The following ADAM28 variants were observed in gnomAD, a reference collection of about 807,000 sequenced individuals.
The protein encoded by ADAM28 is ADAM metallopeptidase domain 28.
Under a neutral mutation model 101.2 loss-of-function variants are expected in ADAM28, and 105 were observed. The observed-to-expected ratio is 1.04, with a 90% CI of 0.89 to 1.22. The LOEUF is 1.22. ADAM28 is among the 50% of genes most tolerant of loss of function. ADAM28 has a pLI of 0.00. For synonymous variants in ADAM28, 322 were observed against 310.6 expected (o/e 1.04, Z -0.39); for missense variants, 1,028 against 945.4 (o/e 1.09, Z -1.15).
intron 18 of ADAM28, among the ~76,000 whole-genome samples, chr8:24,345,369 A>G (rs1379961060): frequency 6.6e-6 from 1 of 152,030 alleles, no homozygotes; most frequent in Non-Finnish European, 1.5e-5. Flanking sequence ...TCCATATTAT[A>G]TTCCATATTG....
chr8:24,331,373 G>A, intron 12 of ADAM28, 46 bp downstream of exon 12: 1 of 1,534,134 alleles, frequency 6.5e-7, no homozygotes, highest in Non-Finnish European at 8.8e-7. Flanking sequence ...TTTTTCAGTT[G>A]CTAAGAAGAT....
intron 2 of ADAM28, among the ~76,000 whole-genome samples, chr8:24,307,599 A>G (rs1809871502): frequency 6.6e-6 from 1 of 152,258 alleles, no homozygotes; most frequent in Non-Finnish European, 1.5e-5. Flanking sequence ...CCAAATGAGT[A>G]AGTAAACTAA....
In ADAM28 at chr8:24,355,781, G is replaced by A. The variant is rs1483798458; in HGVS notation, c.*1377G>A. On this transcript the variant is annotated 3_prime_UTR_variant, in exon 23 of 23. Coordinates refer to ENST00000265769, the MANE Select transcript of ADAM28 (RefSeq NM_014265.6). ...ACTTTCTTGGTACTCCTTATTATAT[G>A]AGCCATACATTTTCCTTGTTGTTTA... The A allele has an allele frequency of 6.6e-6, 1 of 152,056 alleles. No homozygotes were observed. The highest frequency in any genetic ancestry group is 2.4e-5 in the African/African-American group (1 of 41,394). 9.4% of individuals were successfully genotyped at this position (152,056 alleles called of 1,614,324 possible).
At chr8:24,353,545 A>G (rs1342860704) in intron 21 of ADAM28, among the ~76,000 whole-genome samples, 1 of 152,092 alleles carries the variant, frequency 6.6e-6, no homozygotes, top group Admixed American at 6.6e-5. Context: ...TGACACTGAC[A>G]GGAAAAATAT....
chr8:24,309,365 C>A (rs748219427), intron 2 of ADAM28, among the ~76,000 whole-genome samples: 1 of 152,106 alleles, frequency 6.6e-6, no homozygotes, highest in African/African-American at 2.4e-5. Flanking sequence ...AGTTTTTAGG[C>A]GTCTGTGTAC....
At chr8:24,312,829 A>G (rs1810649423) in intron 5 of ADAM28, among the ~76,000 whole-genome samples, 1 of 152,164 alleles carries the variant, frequency 6.6e-6, no homozygotes, top group Non-Finnish European at 1.5e-5. Flanking sequence ...AGGCTTTAGC[A>G]GAGAAAATTG....
chr8:24,334,163 G>T (rs937833196), intron 13 of ADAM28, among the ~76,000 whole-genome samples: 8 of 152,150 alleles, frequency 5.3e-5, no homozygotes, highest in Non-Finnish European at 4.4e-5. Flanking sequence ...TTAGAGCAAT[G>T]ATATACATAT....
intron 3 of ADAM28, 52 bp from the exon 4 acceptor site, chr8:24,310,111 G>C: frequency 6.3e-7 from 1 of 1,587,166 alleles, no homozygotes; most frequent in Non-Finnish European, 8.6e-7. Flanking sequence ...AATTTCCATG[G>C]ACTTAGCAAT....
chr8:24,308,532 T>C (rs1810007207), intron 2 of ADAM28: 2 of 431,784 alleles, frequency 4.6e-6, no homozygotes, highest in South Asian at 3.3e-5. Context: ...AGACCATATT[T>C]GGTATCATTC....
intron 21 of ADAM28, among the ~76,000 whole-genome samples, chr8:24,352,949 A>G (rs538139152): frequency 1.2e-4 from 18 of 152,230 alleles, no homozygotes; most frequent in African/African-American, 4.1e-4. Context: ...TCATTGGTGA[A>G]TTTTTAATCT....
At chr8:24,297,787 A>C (rs527370148) in intron 1 of ADAM28, among the ~76,000 whole-genome samples, 1 of 152,316 alleles carries the variant, frequency 6.6e-6, no homozygotes, top group South Asian at 2.1e-4. Flanking sequence ...TAGTGTTTCA[A>C]AATAATTACA....
chr8:24,313,585 G>A lies in ADAM28; in HGVS notation c.576+5G>A, dbSNP rs2129272466. 6.2e-7 allele frequency: 1 copy of A among 1,612,092 alleles called. No homozygotes were observed. Among genetic ancestry groups the A allele is most frequent in the Non-Finnish European group, 8.5e-7 (1 of 1,179,008 alleles). ...CTACCTGCCACCAAACTAGTAGTAT[G>A]TGTAACTTTATTTATTTGAAATGCT... On this transcript the variant is annotated splice_donor_5th_base_variant and intron_variant, in intron 6 of 22. Transcript: ENST00000265769.
At chr8:24,348,520 C>T (rs1347496451) in intron 18 of ADAM28, among the ~76,000 whole-genome samples, 1 of 152,134 alleles carries the variant, frequency 6.6e-6, no homozygotes, top group African/African-American at 2.4e-5. Flanking sequence ...TTTTCTGTCT[C>T]TCCAGGTCCT....
chr8:24,299,043 A>G (rs1037763456), intron 1 of ADAM28, among the ~76,000 whole-genome samples: 1 of 151,880 alleles, frequency 6.6e-6, no homozygotes, highest in African/African-American at 2.4e-5. Context: ...AAAAAAAAAA[A>G]AAAGCCAGGC....
rs1400229347 is a variant in ADAM28 at position 24,356,201 on chromosome 8, CT to C, written c.*1798del. The C allele has an allele frequency of 1.3e-5, 2 of 152,168 alleles. No individual in the cohort carries two copies. Among genetic ancestry groups the C allele is most frequent in the East Asian group, 1.9e-4 (1 of 5,196 alleles). 9.4% of individuals were successfully genotyped at this position (152,168 alleles called of 1,614,324 possible). ...CTGTGAGGTTTCAGAAGACCCTCCC[CT>C]GACCCAGAAATAAATCCCTATTTCC... On this transcript the variant is annotated 3_prime_UTR_variant, in exon 23 of 23. Transcript: ENST00000265769.
intron 5 of ADAM28, 93 bp from the exon 6 acceptor site, chr8:24,313,295 G>T (rs895216267): frequency 8.2e-7 from 1 of 1,215,784 alleles, no homozygotes; most frequent in South Asian, 1.9e-5. Context: ...CATTGACTAG[G>T]AATTTTAAAG....
chr8:24,352,871 A>AGATTTTCCACCAACTAGCTAATTACAAG (rs1563333532), intron 21 of ADAM28, among the ~76,000 whole-genome samples: 4 of 152,078 alleles, frequency 2.6e-5, no homozygotes, highest in African/African-American at 7.2e-5. Context: ...CTAATTACAA[A>AGATTTTCCACCAACTAGCTAATTACAAG]GCCAGATTTT....
intron 10 of ADAM28, among the ~76,000 whole-genome samples, chr8:24,327,424 TG>T (rs1447862049): frequency 1.3e-5 from 2 of 152,122 alleles, no homozygotes; most frequent in African/African-American, 4.8e-5. Context: ...TCCATGCTCA[TG>T]GATAGGAAGA....
At chr8:24,333,099 G>T (rs75195243) in intron 13 of ADAM28, among the ~76,000 whole-genome samples, 2,166 of 152,260 alleles carry the variant, frequency 0.014, 55 homozygotes, top group African/African-American at 0.049. Context: ...GATCTCACTT[G>T]TATGTGGAAT....
Sources: allele counts gnomAD v4.1 joint callset (sites outside exome capture counted in the v4.1 genomes callset), GRCh38; gene constraint gnomAD v4.1.1; transcripts MANE v1.5; gene names NCBI Gene and HGNC (gene_info 2026-07-23, HGNC 2026-07-21).